Variants in LCN6 observed in about 807,000 individuals in gnomAD.
LCN6 encodes lipocalin 6.
Under a neutral mutation model 21.4 loss-of-function variants are expected in LCN6, and 20 were observed. The ratio of observed to expected loss-of-function variants is 0.93; its 90% CI spans 0.66 to 1.36. LCN6 has a LOEUF of 1.36. Among genes scored for constraint, LCN6 ranks in the 40% most tolerant of loss-of-function variants. The pLI, the probability that LCN6 is intolerant of heterozygous loss-of-function variation, is 0.00. For synonymous variants in LCN6, 96 were observed against 89.0 expected (o/e 1.08, Z -0.44); for missense variants, 217 against 206.6 (o/e 1.05, Z -0.31).
At chr9:136,745,358 C>T (rs964032598) in intron 3 of LCN6, 78 bp from the exon 4 acceptor site, 12 of 1,010,706 alleles carry the variant, frequency 1.2e-5, no homozygotes, top group Non-Finnish European at 1.7e-5. Context: ...ATGCTGGCCA[C>T]AGGGACAGAG....
At chr9:136,745,044 C>A in intron 4 of LCN6, 126 bp downstream of exon 4, 1 of 895,468 alleles carries the variant, frequency 1.1e-6, no homozygotes, top group Non-Finnish European at 1.8e-6. Context: ...CCCCGAGCGG[C>A]CCACTCACCA....
chr9:136,745,829 G>A lies in LCN6; in HGVS notation c.301+15C>T. 6.2e-7 allele frequency: 1 copy of A among 1,611,780 alleles called. No individual in the cohort carries two copies. The highest frequency in any genetic ancestry group is 2.2e-5 in the East Asian group (1 of 44,852). On this transcript the variant is annotated intron_variant, in intron 3 of 6. Coordinates refer to ENST00000341206, the MANE Select transcript of LCN6 (RefSeq NM_198946.3). ...GGAAGAACGGCCTGGGTGAGGCCGT[G>A]GCCGTCAGACTCACAGGGATTCTCA...
intron 2 of LCN6, 47 bp from the exon 3 acceptor site, chr9:136,745,961 G>T: frequency 6.4e-7 from 1 of 1,563,956 alleles, no homozygotes; most frequent in Non-Finnish European, 8.8e-7. Flanking sequence ...AGACCCCGGG[G>T]CCCGGTGAGA....
rs891669436 is a variant in LCN6 at position 136,744,965 on chromosome 9, G to A, written c.412+205C>T. 4.0e-5 allele frequency among the ~76,000 whole-genome samples: 6 copies of A among 150,912 alleles called. No individual in the cohort carries two copies. Among genetic ancestry groups the A allele is most frequent in the African/African-American group, 4.9e-5 (2 of 40,950 alleles). On this transcript the variant is annotated intron_variant, in intron 4 of 6. Coordinates refer to ENST00000341206, the MANE Select transcript of LCN6 (RefSeq NM_198946.3). The surrounding 1 kb of genome is among the most constrained non-coding windows in gnomAD (Gnocchi z 4.2). ...ACAGCTCCCCACATGGCCCCCGAGC[G>A]GCCCACTCACCACACAGCTCCCCAT...
rs768272535 is a variant in LCN6 at position 136,745,881 on chromosome 9, C to G, written c.264G>C (p.Leu88=). ...LGGCDQSVMD[L]IKRNSGWVFE... ...ACACCCATCCGGAGTTTCGCTTTAT[C>G]AGGTCCATGACACTCTGGTCACACC... The change falls in exon 3 of 7, where the codon CTG becomes CTC. Residue 88 remains leucine, a synonymous_variant. Coordinates refer to ENST00000341206, the MANE Select transcript of LCN6 (RefSeq NM_198946.3). 3 of 1,613,758 alleles carry G rather than the reference C, an allele frequency of 1.9e-6. No individual in the cohort carries two copies. The African/African-American group carries it at 4.0e-5, about 22-fold the overall frequency.
chr9:136,744,883 G>A lies in LCN6; in HGVS notation c.413-142C>T, dbSNP rs1243998383. 17 of 677,860 alleles carry A rather than the reference G, an allele frequency of 2.5e-5. No individual in the cohort carries two copies. The highest frequency in any genetic ancestry group is 2.4e-4 in the South Asian group (14 of 57,412). The allele number at this position is 677,860 out of a possible 1,614,324, so 42.0% of individuals were successfully genotyped here. On this transcript the variant is annotated intron_variant, in intron 4 of 6. Transcript: ENST00000341206. The surrounding 1 kb of genome is among the most constrained non-coding windows in gnomAD (Gnocchi z 4.2). Reference sequence around the variant, plus strand: ...CTTCCAAAGCCACCTCCAGTGCAGCGAGCCTCAAGGTGGGGGAACTTGGCC... The same window carrying A: ...CTTCCAAAGCCACCTCCAGTGCAGCAAGCCTCAAGGTGGGGGAACTTGGCC...
At chr9:136,745,520 C>G (rs1195329528) in intron 3 of LCN6, 48 of 590,014 alleles carry the variant, frequency 8.1e-5, no homozygotes, top group East Asian at 6.5e-4. Flanking sequence ...ACTGCCCCAG[C>G]CTGTCCCAGG....
rs574611865 is a variant in LCN6 at position 136,744,738 on chromosome 9, A to AC, written c.415_416insG (p.Leu139ArgfsTer?). ...GGCCTCCTGGCTGGCTGTCTCCGTC[A>AC]GACCTGGGGGCACCAGGGCAGTGCA... On this transcript the variant is annotated frameshift_variant, in exon 5 of 7. Coordinates refer to ENST00000341206, the MANE Select transcript of LCN6 (RefSeq NM_198946.3). LOFTEE classifies it high-confidence loss of function. The surrounding 1 kb of genome is among the most constrained non-coding windows in gnomAD (Gnocchi z 4.2). 2.6e-4 allele frequency: 424 copies of AC among 1,607,464 alleles called. 1 individual carries two copies. The East Asian group carries it at 9.4e-3, about 36-fold the overall frequency.
Sources: allele counts gnomAD v4.1 joint callset (sites outside exome capture counted in the v4.1 genomes callset), GRCh38; gene constraint gnomAD v4.1.1; non-coding constraint Gnocchi (gnomAD v3.1); transcripts MANE v1.5; gene names NCBI Gene and HGNC (gene_info 2026-07-23, HGNC 2026-07-21).